Variants in BTBD7 observed in about 807,000 individuals in gnomAD.
BTBD7 encodes the protein BTB/POZ domain-containing protein 7.
In BTBD7, 38 loss-of-function variants were observed where a neutral mutation model predicts 99.9. The observed-to-expected ratio is 0.38, with a 90% CI of 0.29 to 0.50. BTBD7 has a LOEUF of 0.50. BTBD7 is among the 20% of genes least tolerant of loss of function. The pLI, the probability that BTBD7 is intolerant of heterozygous loss-of-function variation, is 0.93. For synonymous variants in BTBD7, 520 were observed against 511.4 expected (o/e 1.02, Z -0.23); for missense variants, 1,170 against 1,394.6 (o/e 0.84, Z 2.57).
chr14:93,296,784 T>C (rs554086202), intron 1 of BTBD7, among the ~76,000 whole-genome samples: 8 of 152,310 alleles, frequency 5.3e-5, no homozygotes, highest in African/African-American at 1.7e-4. Flanking sequence ...AAAAATTTTA[T>C]CTATCCACCC....
rs563636379 is a variant in BTBD7, at chr14:93,281,383, C to T, written c.1162+12475G>A. On this transcript the variant is annotated intron_variant, in intron 3 of 10. Coordinates refer to ENST00000334746, the MANE Select transcript of BTBD7 (RefSeq NM_001002860.4). The stretch of plus-strand genomic sequence containing the variant: ...AACTCCTGGACTCAAGCCATCCACC[C>T]GCCTCAGCCTCCCAAACTGCTGGGA... 1.3e-3 allele frequency among the ~76,000 whole-genome samples: 199 copies of T among 152,152 alleles called. 2 individuals carry two copies. In the South Asian group the frequency reaches 0.013, roughly 10 times the overall value.
chr14:93,303,663 G>A (rs987929848), intron 1 of BTBD7, among the ~76,000 whole-genome samples: 3 of 152,294 alleles, frequency 2.0e-5, no homozygotes, highest in African/African-American at 7.2e-5. Flanking sequence ...AAAGTGGTGC[G>A]TTAAGAATGA....
Position 93,245,017 on chromosome 14 carries a change from A to C in BTBD7, c.2583+808T>G, listed in dbSNP as rs927686982. On this transcript the variant is annotated intron_variant, in intron 10 of 10. Coordinates refer to ENST00000334746, the MANE Select transcript of BTBD7 (RefSeq NM_001002860.4). ...TGGGACTACAGGCACGTGCTACCACACTTAGCTAATTCATTTGTTTATTTG... is the reference window on the plus strand; with the variant it reads ...TGGGACTACAGGCACGTGCTACCACCCTTAGCTAATTCATTTGTTTATTTG... Among the ~76,000 whole-genome samples the C allele has an allele frequency of 2.0e-5, 3 of 151,992 alleles. No homozygotes were observed. In the East Asian group the frequency reaches 5.8e-4, roughly 29 times the overall value.
At chr14:93,308,076 T>C (rs548937821) in intron 1 of BTBD7, among the ~76,000 whole-genome samples, 99 of 151,934 alleles carry the variant, frequency 6.5e-4, no homozygotes, top group African/African-American at 2.3e-3. Context: ...GGGCGGATCA[T>C]GAGGTCAGGA....
rs745463260 is a variant in BTBD7 at position 93,293,993 on chromosome 14, G to A, written c.1027C>T (p.His343Tyr). ...AGACTCCCCACAGAGGGGCTACAGTGCAAAACAGAGAGGTCCACCACGTCG... is the reference window on the plus strand; with the variant it reads ...AGACTCCCCACAGAGGGGCTACAGTACAAAACAGAGAGGTCCACCACGTCG... ...YTDVVDLSVL[H>Y]CSPSVGSLSE... The change falls in exon 3 of 11, where the codon CAC becomes TAC. Residue 343 changes from histidine to tyrosine, a missense_variant. Physicochemically the swap from His to Tyr is moderately conservative, Grantham distance 83. This residue lies in a region of BTBD7 where 359 missense variants were observed against 497.9 expected (regional missense o/e 0.72). Coordinates refer to ENST00000334746, the MANE Select transcript of BTBD7 (RefSeq NM_001002860.4). 19 of 1,613,864 alleles carry A rather than the reference G, an allele frequency of 1.2e-5. No individual in the cohort carries two copies. The highest frequency in any genetic ancestry group is 1.6e-5 in the Non-Finnish European group (19 of 1,179,880).
intron 3 of BTBD7, among the ~76,000 whole-genome samples, chr14:93,287,422 A>G (rs1000554694): frequency 3.4e-5 from 5 of 147,942 alleles, no homozygotes; most frequent in Non-Finnish European, 7.4e-5. Flanking sequence ...TTACCTCTCT[A>G]TATTACTATT....
intron 4 of BTBD7, among the ~76,000 whole-genome samples, chr14:93,262,904 A>T (rs1427731495): frequency 1.4e-5 from 2 of 146,688 alleles, no homozygotes; most frequent in Admixed American, 6.6e-5. Flanking sequence ...ACAATGAGAC[A>T]AGGTTAATGA....
rs1181250348 is a variant in BTBD7 at position 93,238,467 on chromosome 14, C to T, written c.*3806G>A. Reference sequence around the variant, plus strand: ...TAAATCACTTAGTAGACAAAGTAAACCACCACAGAACCAGGAATAGCACCC... The same window carrying T: ...TAAATCACTTAGTAGACAAAGTAAATCACCACAGAACCAGGAATAGCACCC... On this transcript the variant is annotated 3_prime_UTR_variant, in exon 11 of 11. Coordinates refer to ENST00000334746, the MANE Select transcript of BTBD7 (RefSeq NM_001002860.4). The T allele has an allele frequency of 2.0e-5, 3 of 152,542 alleles. No homozygotes were observed. The highest frequency in any genetic ancestry group is 7.2e-5 in the African/African-American group (3 of 41,420). The allele number at this position is 152,542 out of a possible 1,614,324, so 9.4% of individuals were successfully genotyped here. A position where few individuals can be genotyped will look rare whatever the true frequency, so the allele number is the denominator to read the frequency against.
chr14:93,310,288 C>T (rs550201803), intron 1 of BTBD7, among the ~76,000 whole-genome samples: 1 of 152,260 alleles, frequency 6.6e-6, no homozygotes, highest in South Asian at 2.1e-4. Flanking sequence ...TAATATGAAA[C>T]TCCTGGGCAG....
At chr14:93,251,212 C>G (rs923591374) in intron 8 of BTBD7, among the ~76,000 whole-genome samples, 1 of 152,202 alleles carries the variant, frequency 6.6e-6, no homozygotes, top group African/African-American at 2.4e-5. Flanking sequence ...AATAATCCAG[C>G]CCCAAATGTC....
chr14:93,298,610 T>C (rs1291812808), intron 1 of BTBD7, among the ~76,000 whole-genome samples: 3 of 152,098 alleles, frequency 2.0e-5, no homozygotes, highest in Non-Finnish European at 1.5e-5. Flanking sequence ...GAAACACTTC[T>C]GGTTCCAAGC....
intron 3 of BTBD7, among the ~76,000 whole-genome samples, chr14:93,290,742 G>A (rs1342462910): frequency 6.6e-6 from 1 of 151,764 alleles, no homozygotes; most frequent in Non-Finnish European, 1.5e-5. Flanking sequence ...CCAGGCTGGT[G>A]TGCAGTGGTG....
rs1209935238 is a variant in BTBD7, at chr14:93,323,687, A to G, written c.-107+9133T>C. On this transcript the variant is annotated intron_variant, in intron 1 of 10. Transcript: ENST00000334746. ...AAAGGACTACAGCCAGGAGACTGAC[A>G]TAGTTTTTATCTAAATGAAAATGTC... 2.6e-5 allele frequency among the ~76,000 whole-genome samples: 4 copies of G among 152,346 alleles called. 1 individual carries two copies. The highest frequency in any genetic ancestry group is 2.6e-4 in the Admixed American group (4 of 15,304).
At position 93,294,862 on chromosome 14, in the gene BTBD7, G is replaced by A; in HGVS notation, c.158C>T (p.Pro53Leu). Residue 53 changes from proline (P) to leucine (L), a missense_variant, in exon 3 of 11, where the codon CCA becomes CTA. Physicochemically the swap from Pro to Leu is moderately conservative, Grantham distance 98. Around this residue, in one of 4 missense-constraint regions of BTBD7, gnomAD observed 359 missense variants for 497.9 expected, o/e 0.72. Coordinates refer to ENST00000334746, the MANE Select transcript of BTBD7 (RefSeq NM_001002860.4). ...AGAGGTTCTCTTTTTTTTGTCTTGT[G>A]GTTTCTCATGGCCATGGTCAAGGCT... The part of the protein sequence containing the change: ...LYSLDHGHEK[P>L]QDKKKRTSGL... The A allele has an allele frequency of 1.2e-6, 2 of 1,613,580 alleles. No individual in the cohort carries two copies. The highest frequency in any genetic ancestry group is 2.2e-5 in the South Asian group (2 of 91,052).
In BTBD7 at chr14:93,260,697, G is replaced by A. The variant is rs1595294146; in HGVS notation, c.1447+905C>T. Among the ~76,000 whole-genome samples, 3 of 152,036 alleles carry A rather than the reference G, an allele frequency of 2.0e-5. No homozygotes were observed. In the Middle Eastern group the frequency reaches 0.01, roughly 517 times the overall value. On this transcript the variant is annotated intron_variant, in intron 5 of 10. Transcript: ENST00000334746. ...GCTTCCCAGGTGGCAGGGATTACAG[G>A]CACATGCCACCATGCCCAGCTTATT...
intron 1 of BTBD7, among the ~76,000 whole-genome samples, chr14:93,328,255 A>G (rs1242815142): frequency 6.6e-6 from 1 of 152,196 alleles, no homozygotes; most frequent in Non-Finnish European, 1.5e-5. Flanking sequence ...GCAGAAATAG[A>G]AAAACCCATC....
At chr14:93,259,978 C>G (rs972736755) in intron 5 of BTBD7, among the ~76,000 whole-genome samples, 2 of 151,994 alleles carry the variant, frequency 1.3e-5, no homozygotes, top group Admixed American at 1.3e-4. Flanking sequence ...CTTTGTTGCT[C>G]TCTGAAATAA....
At chr14:93,302,198 GTTCT>G (rs1416477631) in intron 1 of BTBD7, among the ~76,000 whole-genome samples, 1 of 152,224 alleles carries the variant, frequency 6.6e-6, no homozygotes. Context: ...AGTTTCTGGA[GTTCT>G]TTAAGCACAA....
At chr14:93,296,214 GTTTT>G in intron 1 of BTBD7, 57 bp from the exon 2 acceptor site, 1 of 1,215,724 alleles carries the variant, frequency 8.2e-7, no homozygotes, top group Non-Finnish European at 1.0e-6. Flanking sequence ...TCAGATCACA[GTTTT>G]TTTTAAAAAG....
Sources: allele counts gnomAD v4.1 joint callset (sites outside exome capture counted in the v4.1 genomes callset), GRCh38; gene constraint gnomAD v4.1.1; regional missense constraint gnomAD v4.1.1; transcripts MANE v1.5; gene names NCBI Gene and HGNC (gene_info 2026-07-23, HGNC 2026-07-21).